Variants in LGR4 observed in about 807,000 individuals in gnomAD.
LGR4 encodes the protein leucine rich repeat containing G protein-coupled receptor 4.
In LGR4, 44 loss-of-function variants were observed where a neutral mutation model predicts 84.8. The observed-to-expected ratio is 0.52, with a 90% CI of 0.41 to 0.67. The LOEUF (loss-of-function observed/expected upper bound fraction) is 0.67. Ranked by LOEUF, LGR4 falls within the 30% of genes least tolerant of loss-of-function variation. The pLI is 0.00. For synonymous variants in LGR4, 429 were observed against 434.3 expected, an observed-to-expected ratio of 0.99 and a Z score of 0.15; for missense variants, 1,032 against 1,131.4, an observed-to-expected ratio of 0.91 and a Z score of 1.26.
Position 27,412,825 on chromosome 11 carries a change from T to C in LGR4, c.221A>G (p.Glu74Gly). 6.2e-7 allele frequency: 1 copy of C among 1,604,224 alleles called. No individual in the cohort carries two copies. Among genetic ancestry groups the C allele is most frequent in the Non-Finnish European group, 8.5e-7 (1 of 1,171,502 alleles). ...ISMNNITQLP[E>G]DAFKNFPFLE... ...AAAAGGAAAGTTCTTAAATGCATCT[T>C]CTGGCAACTGAGTAATGTTGTTCAT... is the stretch of plus-strand genomic sequence containing the variant. Residue 74 changes from glutamate to glycine, a missense_variant, in exon 2 of 18, where the codon GAA becomes GGA. Coordinates refer to ENST00000379214, the MANE Select transcript of LGR4 (RefSeq NM_018490.5).
chr11:27,424,252 A>C (rs989542393), intron 1 of LGR4, among the ~76,000 whole-genome samples: 1 of 152,142 alleles, frequency 6.6e-6, no homozygotes, highest in Non-Finnish European at 1.5e-5. Flanking sequence ...ATCTTAAAGA[A>C]TATAAGGCCA....
rs992180633 is a variant in LGR4 at position 27,367,155 on chromosome 11, A to G, written c.*712T>C. ...CTTTTACTTTTTTTCTAGTAGTGTA[A>G]TCACAAAACACTTAAGAAAAAATTA... On this transcript the variant is annotated 3_prime_UTR_variant, in exon 18 of 18. Coordinates refer to ENST00000379214, the MANE Select transcript of LGR4 (RefSeq NM_018490.5). 1.3e-5 allele frequency: 2 copies of G among 152,220 alleles called. No homozygotes were observed. The highest frequency in any genetic ancestry group is 2.9e-5 in the Non-Finnish European group (2 of 68,024). The allele number at this position is 152,220 out of a possible 1,614,324, so 9.4% of individuals were successfully genotyped here. A position where few individuals can be genotyped will look rare whatever the true frequency, so the allele number is the denominator to read the frequency against.
intron 1 of LGR4, among the ~76,000 whole-genome samples, chr11:27,421,794 A>G (rs1224379864): frequency 1.3e-5 from 2 of 152,208 alleles, no homozygotes; most frequent in African/African-American, 4.8e-5. Context: ...CTTTTTAAAC[A>G]GGCTAGTTTT....
At chr11:27,434,563 G>A (rs1249604732) in intron 1 of LGR4, among the ~76,000 whole-genome samples, 1 of 152,148 alleles carries the variant, frequency 6.6e-6, no homozygotes, top group Non-Finnish European at 1.5e-5. Context: ...AAAGATTACT[G>A]TTAATGTCTT....
At chr11:27,376,846 C>T (rs1341187170) in intron 12 of LGR4, among the ~76,000 whole-genome samples, 1 of 152,214 alleles carries the variant, frequency 6.6e-6, no homozygotes, top group Non-Finnish European at 1.5e-5. Flanking sequence ...CAACACAGGA[C>T]ATGATGGGAA....
At position 27,369,160 on chromosome 11, in the gene LGR4, CAGAG is replaced by C. The variant is rs745335684; in HGVS notation, c.1580-21_1580-18del. ...TAAAAGCACCTAAAAAAAACACACA[CAGAG>C]AGAGAGAAATAAAAGATAACTTAGA... On this transcript the variant is annotated intron_variant, in intron 17 of 17. Coordinates refer to ENST00000379214, the MANE Select transcript of LGR4 (RefSeq NM_018490.5). The C allele has an allele frequency of 2.0e-6, 3 of 1,537,912 alleles. No homozygotes were observed. The highest frequency in any genetic ancestry group is 8.7e-7 in the Non-Finnish European group (1 of 1,145,680).
chr11:27,370,949 C>T (rs1862870824), intron 17 of LGR4, among the ~76,000 whole-genome samples: 1 of 152,108 alleles, frequency 6.6e-6, no homozygotes, highest in Admixed American at 6.6e-5. Flanking sequence ...AGAAAGTATT[C>T]ATAAAATACA....
chr11:27,454,621 T>C (rs923730958), intron 1 of LGR4, among the ~76,000 whole-genome samples: 2 of 151,966 alleles, frequency 1.3e-5, no homozygotes, highest in African/African-American at 4.8e-5. Context: ...CTTAGCCAGA[T>C]GTGGTGGCAT....
chr11:27,455,190 C>T (rs1384173405), intron 1 of LGR4, among the ~76,000 whole-genome samples: 1 of 152,136 alleles, frequency 6.6e-6, no homozygotes. Flanking sequence ...GTGTGTGCCA[C>T]CACGCCAGGC....
At chr11:27,379,066 T>C (rs752910701) in intron 10 of LGR4, 6 of 339,654 alleles carry the variant, frequency 1.8e-5, no homozygotes, top group Non-Finnish European at 3.2e-5. Context: ...TCACAGTTAA[T>C]TGCAAGTTGT....
Position 27,373,660 on chromosome 11 carries a change from C to T in LGR4, c.1270G>A (p.Glu424Lys). Residue 424 changes from glutamate (E) to lysine (K), a missense_variant, in exon 15 of 18, where the codon GAA (glutamate) becomes AAA (lysine). Transcript: ENST00000379214. ...PITNLDVSFNELTSFPTEGLN... is the reference protein window; with the variant it reads ...PITNLDVSFNKLTSFPTEGLN... ...CCTTCCGTAGGAAAGGAAGTTAATT[C>T]ATTGAAACTTACATCTCTAAAATAT... The T allele has an allele frequency of 6.3e-7, 1 of 1,577,928 alleles. No homozygotes were observed. The highest frequency in any genetic ancestry group is 8.6e-7 in the Non-Finnish European group (1 of 1,160,954).
chr11:27,461,545 C>G (rs1015257282), intron 1 of LGR4, among the ~76,000 whole-genome samples: 3 of 152,120 alleles, frequency 2.0e-5, no homozygotes, highest in Non-Finnish European at 4.4e-5. Context: ...CCACAGCCCA[C>G]AGGCCCCATG....
chr11:27,418,876 C>T (rs1319544428), intron 1 of LGR4, among the ~76,000 whole-genome samples: 1 of 149,940 alleles, frequency 6.7e-6, no homozygotes, highest in Admixed American at 6.6e-5. Flanking sequence ...CTTTGTTGCC[C>T]CAGGCTAGAA....
At chr11:27,455,179 A>G (rs2133448566) in intron 1 of LGR4, among the ~76,000 whole-genome samples, 2 of 152,258 alleles carry the variant, frequency 1.3e-5, no homozygotes, top group East Asian at 3.9e-4. Flanking sequence ...TGAGACTACA[A>G]GTGTGTGCCA....
chr11:27,419,633 T>C (rs1006906988), intron 1 of LGR4, among the ~76,000 whole-genome samples: 1 of 147,510 alleles, frequency 6.8e-6, no homozygotes, highest in Non-Finnish European at 1.5e-5. Context: ...TAATAATATA[T>C]ATAATTATAT....
At chr11:27,381,398 C>T (rs962873709) in intron 7 of LGR4, among the ~76,000 whole-genome samples, 26 of 152,212 alleles carry the variant, frequency 1.7e-4, no homozygotes, top group African/African-American at 6.0e-4. Flanking sequence ...ACCCGACGTC[C>T]AGAATGTTCC....
intron 3 of LGR4, among the ~76,000 whole-genome samples, chr11:27,391,405 G>A (rs1490167645): frequency 6.6e-6 from 1 of 152,010 alleles, no homozygotes; most frequent in African/African-American, 2.4e-5. Flanking sequence ...GACTTGCTGG[G>A]TAATCCATGT....
intron 1 of LGR4, among the ~76,000 whole-genome samples, chr11:27,467,586 A>G (rs1864802871): frequency 6.6e-6 from 1 of 151,860 alleles, no homozygotes; most frequent in Non-Finnish European, 1.5e-5. Flanking sequence ...AAAAAAATCA[A>G]ATTAAATAGA....
chr11:27,432,374 G>A lies in LGR4; in HGVS notation c.186-19514C>T, dbSNP rs77348062. 2.3e-3 allele frequency among the ~76,000 whole-genome samples: 352 copies of A among 152,244 alleles called. 1 individual carries two copies. Among genetic ancestry groups the A allele is most frequent in the African/African-American group, 8.4e-3 (347 of 41,546 alleles). Reference sequence around the variant, plus strand: ...AAGATGTCTGCAATTGAATGAAATTGCCCAGAGGTGGTCAAGCCACAGGAT... The same window carrying A: ...AAGATGTCTGCAATTGAATGAAATTACCCAGAGGTGGTCAAGCCACAGGAT... On this transcript the variant is annotated intron_variant, in intron 1 of 17. Transcript: ENST00000379214.
Sources: allele counts gnomAD v4.1 joint callset (sites outside exome capture counted in the v4.1 genomes callset), GRCh38; gene constraint gnomAD v4.1.1; transcripts MANE v1.5; gene names NCBI Gene and HGNC (gene_info 2026-07-23, HGNC 2026-07-21).